The following MAP4K5 variants were observed in gnomAD, a reference collection of about 807,000 sequenced individuals.
MAP4K5 encodes mitogen-activated protein kinase kinase kinase kinase 5, also known as MAPK/ERK kinase kinase kinase 5.
Under a neutral mutation model 135.6 loss-of-function variants are expected in MAP4K5, and 82 were observed. The observed-to-expected ratio is 0.60, with a 90% CI of 0.51 to 0.73. The LOEUF is 0.73. Among genes scored for constraint, MAP4K5 ranks in the 30% least tolerant of loss-of-function variants. The pLI, the probability that MAP4K5 is intolerant of heterozygous loss-of-function variation, is 0.00. For missense variants in MAP4K5, 907 were observed against 1,010.9 expected (o/e 0.90, Z 1.39); for synonymous variants, 347 against 335.0 (o/e 1.04, Z -0.39).
At chr14:50,453,579 G>C (rs1228654842) in intron 14 of MAP4K5, among the ~76,000 whole-genome samples, 2 of 152,032 alleles carry the variant, frequency 1.3e-5, no homozygotes, top group African/African-American at 4.8e-5. Flanking sequence ...ATTCTTGCCT[G>C]GACTAAATCA....
intron 28 of MAP4K5, 74 bp from the exon 29 acceptor site, chr14:50,429,334 C>T: frequency 3.4e-6 from 3 of 875,792 alleles, no homozygotes; most frequent in South Asian, 3.2e-5. Flanking sequence ...TAAATTCTGA[C>T]TTTTGCTGTG....
chr14:50,459,025 G>A (rs1317520006), intron 13 of MAP4K5, among the ~76,000 whole-genome samples: 2 of 152,034 alleles, frequency 1.3e-5, no homozygotes, highest in African/African-American at 4.8e-5. Context: ...TGCCCAGGTT[G>A]GTCTCCAACT....
chr14:50,440,037 TG>T lies in MAP4K5; in HGVS notation c.1680del (p.Asn561IlefsTer4). 1 of 1,555,168 alleles carries T rather than the reference TG, an allele frequency of 6.4e-7. No homozygotes were observed. The highest frequency in any genetic ancestry group is 1.2e-5 in the South Asian group (1 of 85,086). On this transcript the variant is annotated frameshift_variant, in exon 23 of 33. Transcript: ENST00000682126. LOFTEE classifies it high-confidence loss of function. ...FPRKCTWLYV[I>X]NNTLMSLSEG... ...CCTGATAATGACATTAAAGTATTAT[TG>T]ATAACATACAGCCAAGTACACTTCC...
chr14:50,549,455 G>A (rs1566708985), intron 1 of MAP4K5, among the ~76,000 whole-genome samples: 2 of 152,102 alleles, frequency 1.3e-5, no homozygotes, highest in African/African-American at 4.8e-5. Flanking sequence ...AACCTCCACA[G>A]GACTGACAAG....
intron 2 of MAP4K5, among the ~76,000 whole-genome samples, chr14:50,523,272 T>C (rs1394081717): frequency 1.3e-5 from 2 of 151,912 alleles, no homozygotes; most frequent in Non-Finnish European, 2.9e-5. Flanking sequence ...GATCACACCA[T>C]TGCACTCCAG....
At chr14:50,496,863 G>A (rs1047549560) in intron 3 of MAP4K5, among the ~76,000 whole-genome samples, 1 of 151,616 alleles carries the variant, frequency 6.6e-6, no homozygotes, top group Non-Finnish European at 1.5e-5. Flanking sequence ...TTTAAAACAA[G>A]TATTTAAAAT....
chr14:50,504,457 T>C (rs961822747), intron 3 of MAP4K5, among the ~76,000 whole-genome samples: 1 of 152,090 alleles, frequency 6.6e-6, no homozygotes, highest in Non-Finnish European at 1.5e-5. Context: ...CAAACAAATG[T>C]CATTATCCCA....
intron 2 of MAP4K5, among the ~76,000 whole-genome samples, chr14:50,510,010 CAA>C (rs995035341): frequency 1.7e-4 from 26 of 152,118 alleles, no homozygotes; most frequent in African/African-American, 4.6e-4. Context: ...GTAAAGAATA[CAA>C]TGTTCAACTC....
At chr14:50,422,337 A>T (rs1013450947) in intron 32 of MAP4K5, among the ~76,000 whole-genome samples, 1 of 152,116 alleles carries the variant, frequency 6.6e-6, no homozygotes, top group Non-Finnish European at 1.5e-5. Context: ...GTTCTCCTAT[A>T]AAACTCTCTT....
At chr14:50,462,538 A>C (rs2036734111) in intron 13 of MAP4K5, 127 bp downstream of exon 13, 1 of 658,182 alleles carries the variant, frequency 1.5e-6, no homozygotes. Context: ...TTACATTATT[A>C]ATCTCTGTAG....
At chr14:50,525,446 A>G (rs1488959239) in intron 2 of MAP4K5, among the ~76,000 whole-genome samples, 1 of 152,194 alleles carries the variant, frequency 6.6e-6, no homozygotes, top group African/African-American at 2.4e-5. Context: ...AGTCTTGCAT[A>G]AACTCTCATC....
chr14:50,463,264 C>A lies in MAP4K5; in HGVS notation c.820-483G>T, dbSNP rs539366799. Among the ~76,000 whole-genome samples the A allele has an allele frequency of 2.6e-5, 4 of 152,270 alleles. No homozygotes were observed. The South Asian group carries it at 8.3e-4, about 32-fold the overall frequency. On this transcript the variant is annotated intron_variant, in intron 12 of 32. Transcript: ENST00000682126. The stretch of plus-strand genomic sequence containing the variant: ...CTTCTTAGGTTGTTGTAATCACTGA[C>A]TATTTCTAACATAAAAGTGTTTTAT...
At chr14:50,549,067 G>C (rs534190512) in intron 1 of MAP4K5, among the ~76,000 whole-genome samples, 183 of 152,164 alleles carry the variant, frequency 1.2e-3, no homozygotes, top group Non-Finnish European at 1.6e-3. Flanking sequence ...AGTCCTTAAA[G>C]TCAGCTTCTA....
intron 1 of MAP4K5, among the ~76,000 whole-genome samples, chr14:50,546,902 T>G (rs532914937): frequency 6.6e-6 from 1 of 152,298 alleles, no homozygotes; most frequent in South Asian, 2.1e-4. Flanking sequence ...GTTTGTTACA[T>G]AGGCATACAC....
intron 3 of MAP4K5, among the ~76,000 whole-genome samples, chr14:50,488,494 A>C (rs1179054897): frequency 6.6e-6 from 1 of 152,236 alleles, no homozygotes; most frequent in East Asian, 1.9e-4. Context: ...GGGATTTAGA[A>C]CAGATTTTCT....
At chr14:50,457,311 A>C (rs962423870) in intron 13 of MAP4K5, among the ~76,000 whole-genome samples, 1 of 152,176 alleles carries the variant, frequency 6.6e-6, no homozygotes, top group African/African-American at 2.4e-5. Flanking sequence ...CAGCTTTAAG[A>C]GTTATCTATT....
chr14:50,531,735 T>C (rs2038393483), intron 2 of MAP4K5, among the ~76,000 whole-genome samples: 1 of 152,204 alleles, frequency 6.6e-6, no homozygotes, highest in Non-Finnish European at 1.5e-5. Context: ...GGTTTGCAAC[T>C]GTGTGGTTAG....
At chr14:50,486,583 T>A (rs901215556) in intron 3 of MAP4K5, among the ~76,000 whole-genome samples, 3 of 152,196 alleles carry the variant, frequency 2.0e-5, no homozygotes, top group Non-Finnish European at 2.9e-5. Context: ...GTAATTTTGC[T>A]TTCTTCCTTT....
intron 11 of MAP4K5, 41 bp from the exon 12 acceptor site, chr14:50,464,174 T>C: frequency 2.0e-6 from 2 of 976,388 alleles, no homozygotes; most frequent in Non-Finnish European, 3.2e-6. Context: ...TTCACTACTA[T>C]TACGTTTCGG....
Sources: allele counts gnomAD v4.1 joint callset (sites outside exome capture counted in the v4.1 genomes callset), GRCh38; gene constraint gnomAD v4.1.1; transcripts MANE v1.5; gene names NCBI Gene and HGNC (gene_info 2026-07-23, HGNC 2026-07-21).